The following NFATC2 variants were observed in gnomAD, a reference collection of about 807,000 sequenced individuals.
NFATC2 encodes nuclear factor of activated T-cells, cytoplasmic 2.
Under a neutral mutation model 87.3 loss-of-function variants are expected in NFATC2, and 22 were observed. That is an observed-to-expected ratio of 0.25 (90% CI 0.18 to 0.36). NFATC2 has a LOEUF of 0.36. NFATC2 is among the 10% of genes least tolerant of loss of function. NFATC2 has a pLI of 1.00. For synonymous variants in NFATC2, 565 were observed against 542.2 expected, an observed-to-expected ratio of 1.04 and a Z score of -0.58; for missense variants, 1,149 against 1,259.1, an observed-to-expected ratio of 0.91 and a Z score of 1.32.
chr20:51,516,818 A>G lies in NFATC2; in HGVS notation c.1298T>C (p.Val433Ala). The G allele has an allele frequency of 6.2e-7, 1 of 1,612,648 alleles. No individual in the cohort carries two copies. Among genetic ancestry groups the G allele is most frequent in the Admixed American group, 1.7e-5 (1 of 59,782 alleles). Reference sequence around the variant, plus strand: ...AGGGTGGCCTCCAGTTGGAGCTTTGACAGCCCCTCGGCTGCCTTCTGTCTC... The same window carrying G: ...AGGGTGGCCTCCAGTTGGAGCTTTGGCAGCCCCTCGGCTGCCTTCTGTCTC... ...HYETEGSRGA[V>A]KAPTGGHPVV... The change falls in exon 3 of 11, where the codon GTC becomes GCC. Residue 433 changes from valine to alanine, a missense_variant. Transcript: ENST00000371564.
intron 1 of NFATC2, among the ~76,000 whole-genome samples, chr20:51,534,283 G>A (rs1329271364): frequency 6.6e-6 from 1 of 152,138 alleles, no homozygotes; most frequent in East Asian, 1.9e-4. Context: ...AGGGGGAAGG[G>A]CTGTACATGT....
chr20:51,484,358 A>C (rs1233965160), intron 3 of NFATC2, among the ~76,000 whole-genome samples: 1 of 151,530 alleles, frequency 6.6e-6, no homozygotes, highest in Admixed American at 6.6e-5. Context: ...CCCTCCACAC[A>C]CCCTGCCTTA....
chr20:51,504,126 G>A (rs927599382), intron 3 of NFATC2, among the ~76,000 whole-genome samples: 3 of 151,772 alleles, frequency 2.0e-5, no homozygotes, highest in Admixed American at 6.6e-5. Flanking sequence ...GGGTTCAAGC[G>A]ATTCTCCTGC....
chr20:51,518,210 T>C (rs2076385893), intron 2 of NFATC2, among the ~76,000 whole-genome samples: 1 of 152,242 alleles, frequency 6.6e-6, no homozygotes, highest in Admixed American at 6.5e-5. Flanking sequence ...CCTGGGAATT[T>C]TGAAAAGCAT....
intron 10 of NFATC2, among the ~76,000 whole-genome samples, chr20:51,393,477 G>A (rs1282802285): frequency 6.6e-6 from 1 of 152,046 alleles, no homozygotes; most frequent in African/African-American, 2.4e-5. Context: ...ATGTGGAAAC[G>A]GATTCATTAA....
In NFATC2 at chr20:51,473,898, C is replaced by T. The variant is rs565187951; in HGVS notation, c.1708+82G>A. 9.4e-5 allele frequency: 139 copies of T among 1,477,270 alleles called. 2 individuals are homozygous for T. The East Asian group carries it at 2.5e-3, about 27-fold the overall frequency. The allele number at this position is 1,477,270 out of a possible 1,614,324, so 91.5% of individuals were successfully genotyped here. ...TTCCCGCAGGCCACCCCGGGTACCT[C>T]GCCCAGAATACACTGCTCCCGGGGG... On this transcript the variant is annotated intron_variant, in intron 5 of 10. Coordinates refer to ENST00000371564, the MANE Select transcript of NFATC2 (RefSeq NM_012340.5).
At chr20:51,479,451 C>T (rs1366105931) in intron 3 of NFATC2, among the ~76,000 whole-genome samples, 1 of 152,086 alleles carries the variant, frequency 6.6e-6, no homozygotes, top group African/African-American at 2.4e-5. Flanking sequence ...GACCCGTCTC[C>T]ACCAAAAAAA....
At chr20:51,392,230 A>G (rs1413003824) in intron 10 of NFATC2, among the ~76,000 whole-genome samples, 2 of 152,218 alleles carry the variant, frequency 1.3e-5, no homozygotes, top group South Asian at 2.1e-4. Flanking sequence ...GGGCCCCCCA[A>G]AGACTGACTA....
chr20:51,428,840 C>G (rs1274316505), intron 9 of NFATC2, among the ~76,000 whole-genome samples: 3 of 152,226 alleles, frequency 2.0e-5, no homozygotes, highest in African/African-American at 7.2e-5. Context: ...TTGGCAAAAT[C>G]CCAAGGGAAA....
chr20:51,479,605 G>C (rs1035043053), intron 3 of NFATC2, among the ~76,000 whole-genome samples: 5 of 152,242 alleles, frequency 3.3e-5, no homozygotes, highest in Admixed American at 6.5e-5. Flanking sequence ...GGGTAGCAGA[G>C]CATGACCCTG....
rs1450233847 is a variant in NFATC2, at chr20:51,523,856, G to A, written c.385C>T (p.Arg129Cys). ...HELIQAVGPL[R>C]MRDAGLLVEQ... ...ACCAGGAGGCCCGCGTCTCTCATGC[G>A]GAGGGGCCCCACTGCCTGGATCAGT... is the stretch of plus-strand genomic sequence containing the variant. Residue 129 changes from arginine (R) to cysteine (C), a missense_variant, in exon 2 of 11, where the codon CGC becomes TGC. Coordinates refer to ENST00000371564, the MANE Select transcript of NFATC2 (RefSeq NM_012340.5). This position sits in a 1 kb window ranked among gnomAD's most constrained non-coding sequence, Gnocchi z 6.9. The A allele has an allele frequency of 1.9e-6, 3 of 1,610,200 alleles. No homozygotes were observed. Among genetic ancestry groups the A allele is most frequent in the Non-Finnish European group, 8.5e-7 (1 of 1,178,232 alleles).
At chr20:51,528,012 G>A in intron 1 of NFATC2, among the ~76,000 whole-genome samples, 1 of 150,626 alleles carries the variant, frequency 6.6e-6, no homozygotes, top group Non-Finnish European at 1.5e-5. Context: ...GCTGAGGTGG[G>A]AGGATCAAGG....
intron 3 of NFATC2, among the ~76,000 whole-genome samples, chr20:51,508,713 T>C (rs1024776513): frequency 1.3e-5 from 2 of 152,082 alleles, no homozygotes; most frequent in African/African-American, 4.8e-5. Context: ...CCCTAGAGAC[T>C]CTGGCCTTTC....
At chr20:51,477,535 CTATATA>C (rs11467129) in intron 3 of NFATC2, among the ~76,000 whole-genome samples, 2,257 of 72,544 alleles carry the variant, frequency 0.031, 34 homozygotes, top group East Asian at 0.043. Flanking sequence ...GTGTGTGTGT[CTATATA>C]TATATATATA....
intron 1 of NFATC2, among the ~76,000 whole-genome samples, chr20:51,551,843 T>G (rs112600871): frequency 6.6e-6 from 1 of 151,070 alleles, no homozygotes; most frequent in African/African-American, 2.4e-5. Context: ...CTGGCTAACA[T>G]GGTGAAACCC....
upstream of NFATC2, among the ~76,000 whole-genome samples, chr20:51,544,722 C>G (rs968609191): frequency 6.6e-6 from 1 of 152,206 alleles, no homozygotes; most frequent in Non-Finnish European, 1.5e-5. Flanking sequence ...TATTCAACGA[C>G]CTGAGCACCA....
chr20:51,398,854 G>C (rs541259317), intron 9 of NFATC2, 124 bp from the exon 10 acceptor site: 14 of 682,924 alleles, frequency 2.1e-5, no homozygotes, highest in Non-Finnish European at 3.3e-5. Flanking sequence ...TTTGGCTCTA[G>C]TTTAAGCCAG....
intron 3 of NFATC2, 59 bp from the exon 4 acceptor site, chr20:51,475,719 A>C: frequency 6.5e-7 from 1 of 1,545,562 alleles, no homozygotes; most frequent in Non-Finnish European, 8.9e-7. Context: ...TAATCCAATA[A>C]ACAAAAAAAG....
At chr20:51,394,208 G>A (rs912976676) in intron 10 of NFATC2, among the ~76,000 whole-genome samples, 4 of 152,160 alleles carry the variant, frequency 2.6e-5, no homozygotes, top group South Asian at 4.1e-4. Flanking sequence ...CAGAAATGCC[G>A]GCTAGGTGGT....
Sources: allele counts gnomAD v4.1 joint callset (sites outside exome capture counted in the v4.1 genomes callset), GRCh38; gene constraint gnomAD v4.1.1; non-coding constraint Gnocchi (gnomAD v3.1); transcripts MANE v1.5; gene names NCBI Gene and HGNC (gene_info 2026-07-23, HGNC 2026-07-21).